Variants in MIAT observed in about 807,000 individuals in gnomAD.
MIAT encodes MI related novel mRNA.
intron 2 of MIAT, among the ~76,000 whole-genome samples, chr22:26,658,013 C>T (rs1056288071): frequency 1.4e-5 from 2 of 145,254 alleles, no homozygotes; most frequent in Non-Finnish European, 3.0e-5. Context: ...CGCGGACCTT[C>T]TCGGTCCACC....
At chr22:26,659,854 T>TC (rs1930601354) in intron 2 of MIAT, among the ~76,000 whole-genome samples, 1 of 132,506 alleles carries the variant, frequency 7.5e-6, no homozygotes, top group Non-Finnish European at 1.6e-5. Context: ...TTTTTTTTTT[T>TC]GAAACAGAGC....
chr22:26,661,239 C>A (rs530209891), intron 2 of MIAT, among the ~76,000 whole-genome samples: 1 of 152,264 alleles, frequency 6.6e-6, no homozygotes, highest in South Asian at 2.1e-4. Context: ...GTCTCTGAGG[C>A]CTGACTCATC....
At chr22:26,653,023 A>G (rs1436783009) in intron 2 of MIAT, among the ~76,000 whole-genome samples, 1 of 152,148 alleles carries the variant, frequency 6.6e-6, no homozygotes, top group African/African-American at 2.4e-5. Flanking sequence ...TCACAGTTAC[A>G]TTGATGGGGA....
At chr22:26,651,077 G>C (rs1005785490) in intron 2 of MIAT, among the ~76,000 whole-genome samples, 1 of 152,042 alleles carries the variant, frequency 6.6e-6, no homozygotes, top group African/African-American at 2.4e-5. Flanking sequence ...GGCCGGGGAG[G>C]GGGTGGCAGG....
chr22:26,673,963 A>G, downstream of MIAT: 3 of 398,696 alleles, frequency 7.5e-6, no homozygotes, highest in Non-Finnish European at 8.8e-6. Context: ...TTATAGCTAC[A>G]GTAGTTTGCA....
chr22:26,671,409 G>A, downstream of MIAT: 1 of 398,810 alleles, frequency 2.5e-6, no homozygotes, highest in Non-Finnish European at 4.4e-6. Context: ...GTTGCATGGT[G>A]TGATTAACCT....
chr22:26,653,983 C>T (rs188676229), intron 2 of MIAT, among the ~76,000 whole-genome samples: 4 of 152,216 alleles, frequency 2.6e-5, no homozygotes, highest in African/African-American at 7.2e-5. Flanking sequence ...TCAGGTGATC[C>T]GCCCACCTCG....
intron 2 of MIAT, among the ~76,000 whole-genome samples, chr22:26,653,774 C>G (rs986074842): frequency 2.0e-5 from 3 of 152,178 alleles, no homozygotes; most frequent in African/African-American, 7.2e-5. Flanking sequence ...CCCCTTTGCT[C>G]TGTTGCCCAG....
intron 2 of MIAT, among the ~76,000 whole-genome samples, chr22:26,652,114 C>G (rs747220818): frequency 2.0e-5 from 3 of 152,190 alleles, no homozygotes; most frequent in Non-Finnish European, 4.4e-5. Flanking sequence ...TTTGCTCAGC[C>G]GTCCACGTAG....
At chr22:26,673,242 G>GCCAGCCTCCC, downstream of MIAT, 1 of 398,868 alleles carries the variant, frequency 2.5e-6, no homozygotes, top group South Asian at 1.3e-4. Flanking sequence ...CACTGCCTCA[G>GCCAGCCTCCC]CCAGCCTCCC....
chr22:26,673,447 G>A, downstream of MIAT: 1 of 398,806 alleles, frequency 2.5e-6, no homozygotes, highest in Non-Finnish European at 4.4e-6. Flanking sequence ...CCTGTCTGGG[G>A]GTTCCAGGCT....
intron 2 of MIAT, chr22:26,650,457 A>C (rs778341487): frequency 6.6e-6 from 1 of 152,186 alleles, no homozygotes; most frequent in Non-Finnish European, 1.5e-5. Flanking sequence ...TGTCTCCCTA[A>C]CCTGCTCCCT....
At chr22:26,653,714 G>T (rs1030531844) in intron 2 of MIAT, among the ~76,000 whole-genome samples, 1 of 152,164 alleles carries the variant, frequency 6.6e-6, no homozygotes, top group South Asian at 2.1e-4. Context: ...GTGCCCAGGT[G>T]TCAGTGGTAA....
At chr22:26,675,556 T>A (rs1370551859) in exon 5 of MIAT, 1 of 398,654 alleles carries the variant, frequency 2.5e-6, no homozygotes, top group African/African-American at 2.1e-5. Context: ...GTCCATCTTT[T>A]GATAAACAGA....
chr22:26,667,333 A>AGT (rs61442362), intron 5 of MIAT: 91,079 of 383,894 alleles, frequency 0.24, 5,961 homozygotes, highest in African/African-American at 0.37. Flanking sequence ...TCCTGGGAGC[A>AGT]GTGTGTGTGT....
At chr22:26,652,151 G>C (rs542645680) in intron 2 of MIAT, among the ~76,000 whole-genome samples, 1 of 152,216 alleles carries the variant, frequency 6.6e-6, no homozygotes, top group South Asian at 2.1e-4. Context: ...ACACTACCAT[G>C]CCTGGCTAAT....
chr22:26,670,918 G>A (rs1692351701), downstream of MIAT: 1 of 398,286 alleles, frequency 2.5e-6, no homozygotes, highest in Admixed American at 4.4e-5. Flanking sequence ...GGTGGGCGTG[G>A]GGGAGTCTCA....
chr22:26,660,240 G>A (rs1271950870), intron 2 of MIAT, among the ~76,000 whole-genome samples: 2 of 151,764 alleles, frequency 1.3e-5, no homozygotes, highest in Admixed American at 6.6e-5. Flanking sequence ...GGGAAGCTGA[G>A]GTGGGTGGAT....
chr22:26,661,961 TACAC>T (rs1555948831), intron 2 of MIAT, among the ~76,000 whole-genome samples: 3 of 44,010 alleles, frequency 6.8e-5, no homozygotes, highest in Admixed American at 2.5e-4. Context: ...TATATATATA[TACAC>T]ACACACACAT....
Sources: allele counts gnomAD v4.1 joint callset (sites outside exome capture counted in the v4.1 genomes callset), GRCh38; gene constraint gnomAD v4.1.1; transcripts MANE v1.5; gene names NCBI Gene and HGNC (gene_info 2026-07-23, HGNC 2026-07-21).